Variants in FAM135B observed in about 807,000 individuals in gnomAD.
The protein encoded by FAM135B is family with sequence similarity 135 member B, also known as protein FAM135B.
FAM135B carries 43 observed loss-of-function variants against 127.7 expected under a neutral mutation model. The observed-to-expected ratio is 0.34, with a 90% confidence interval of 0.26 to 0.43. The LOEUF (loss-of-function observed/expected upper bound fraction) is 0.43. Among genes scored for constraint, FAM135B ranks in the 20% least tolerant of loss-of-function variants. The pLI, the probability that FAM135B is intolerant of heterozygous loss-of-function variation, is 1.00. For synonymous variants in FAM135B, 670 were observed against 665.1 expected, an observed-to-expected ratio of 1.01 and a Z score of -0.11; for missense variants, 1,558 against 1,725.6, an observed-to-expected ratio of 0.90 and a Z score of 1.72.
intron 3 of FAM135B, among the ~76,000 whole-genome samples, chr8:138,308,562 G>A (rs541895264): frequency 6.6e-6 from 1 of 152,116 alleles, no homozygotes; most frequent in Admixed American, 6.5e-5. Flanking sequence ...GTGTGCTACT[G>A]TAAAGCTCAA....
chr8:138,246,320 G>C (rs1459697000), intron 6 of FAM135B, among the ~76,000 whole-genome samples: 2 of 152,154 alleles, frequency 1.3e-5, no homozygotes, highest in African/African-American at 2.4e-5. Context: ...TCCCATCACA[G>C]GCCCAGAGGC....
At chr8:138,266,803 T>C (rs1489641790) in intron 3 of FAM135B, among the ~76,000 whole-genome samples, 4 of 150,904 alleles carry the variant, frequency 2.7e-5, no homozygotes, top group Non-Finnish European at 4.4e-5. Flanking sequence ...TACACACACA[T>C]ACACACACGC....
chr8:138,207,955 G>T (rs767292983), intron 7 of FAM135B, among the ~76,000 whole-genome samples: 135 of 152,142 alleles, frequency 8.9e-4, no homozygotes, highest in Non-Finnish European at 1.7e-3. Context: ...TTTGCCCAAA[G>T]ACATAAACAA....
At chr8:138,226,171 G>GTA (rs1479560053) in intron 7 of FAM135B, among the ~76,000 whole-genome samples, 1 of 143,598 alleles carries the variant, frequency 7.0e-6, no homozygotes, top group East Asian at 2.3e-4. Context: ...GTGTGTGTGT[G>GTA]TGTGTGTGTG....
intron 7 of FAM135B, among the ~76,000 whole-genome samples, chr8:138,208,287 A>C (rs1178871733): frequency 6.6e-6 from 1 of 152,172 alleles, no homozygotes; most frequent in Admixed American, 6.5e-5. Context: ...TCTAAAAATT[A>C]AAAAAAGAAA....
intron 4 of FAM135B, 102 bp from the exon 5 acceptor site, chr8:138,256,861 C>A: frequency 1.2e-6 from 1 of 855,272 alleles, no homozygotes; most frequent in South Asian, 1.5e-5. Context: ...CTATCTTGTC[C>A]AAAAATCAAT....
intron 2 of FAM135B, among the ~76,000 whole-genome samples, chr8:138,339,087 A>T (rs530213745): frequency 1.5e-5 from 2 of 136,768 alleles, no homozygotes; most frequent in African/African-American, 5.3e-5. Flanking sequence ...AGGAAAGGGA[A>T]CATCACACAC....
intron 1 of FAM135B, among the ~76,000 whole-genome samples, chr8:138,410,349 A>G (rs1833790452): frequency 6.6e-6 from 1 of 152,100 alleles, no homozygotes; most frequent in Non-Finnish European, 1.5e-5. Flanking sequence ...CCCTTGTGTG[A>G]TCCTAAGGAT....
At chr8:138,163,323 A>G (rs1373667061) in intron 12 of FAM135B, among the ~76,000 whole-genome samples, 1 of 152,176 alleles carries the variant, frequency 6.6e-6, no homozygotes, top group African/African-American at 2.4e-5. Flanking sequence ...GTCTTGGGAT[A>G]GAGAGGCATG....
chr8:138,442,725 C>T (rs2131553231), intron 1 of FAM135B, among the ~76,000 whole-genome samples: 1 of 152,178 alleles, frequency 6.6e-6, no homozygotes, highest in East Asian at 1.9e-4. Flanking sequence ...TTCACCAAGT[C>T]CCCTTAGTAA....
chr8:138,353,756 C>G (rs773077430), intron 2 of FAM135B, among the ~76,000 whole-genome samples: 42 of 150,556 alleles, frequency 2.8e-4, no homozygotes, highest in Non-Finnish European at 5.0e-4. Flanking sequence ...ACAGTAAAAA[C>G]TCCTGGCACA....
intron 1 of FAM135B, among the ~76,000 whole-genome samples, chr8:138,427,012 CATA>C (rs1162601356): frequency 6.6e-6 from 1 of 151,696 alleles, no homozygotes; most frequent in Non-Finnish European, 1.5e-5. Flanking sequence ...GGATTAATTG[CATA>C]ATAATGTTTG....
chr8:138,448,828 T>C (rs977692145), intron 1 of FAM135B, among the ~76,000 whole-genome samples: 1 of 149,964 alleles, frequency 6.7e-6, no homozygotes, highest in Non-Finnish European at 1.5e-5. Context: ...AAAAAAAAAG[T>C]TCTTGGGAGA....
chr8:138,179,754 T>C (rs1814832877), intron 9 of FAM135B, among the ~76,000 whole-genome samples: 1 of 152,138 alleles, frequency 6.6e-6, no homozygotes, highest in African/African-American at 2.4e-5. Flanking sequence ...AGTGCAGTGG[T>C]GTGATCATGG....
At chr8:138,469,030 C>G (rs1837532302) in intron 1 of FAM135B, among the ~76,000 whole-genome samples, 1 of 146,580 alleles carries the variant, frequency 6.8e-6, no homozygotes, top group African/African-American at 2.5e-5. Context: ...GGCGACAGAA[C>G]AAGATTCTGT....
intron 1 of FAM135B, among the ~76,000 whole-genome samples, chr8:138,457,752 G>A (rs1161328114): frequency 1.3e-5 from 2 of 152,022 alleles, no homozygotes; most frequent in Non-Finnish European, 2.9e-5. Context: ...CAGGCTAATC[G>A]GATGAGGTCA....
chr8:138,295,102 CTT>C (rs527258472), intron 3 of FAM135B, among the ~76,000 whole-genome samples: 38 of 82,188 alleles, frequency 4.6e-4, no homozygotes, highest in East Asian at 2.0e-3. Flanking sequence ...CTTGCTGGTG[CTT>C]TTTTTTTTTT....
At chr8:138,146,459 A>T (rs534028600) in intron 14 of FAM135B, among the ~76,000 whole-genome samples, 5 of 152,278 alleles carry the variant, frequency 3.3e-5, no homozygotes, top group South Asian at 2.1e-4. Flanking sequence ...ACTTAAAAGG[A>T]AGACTATCTA....
At chr8:138,211,347 C>G (rs545507524) in intron 7 of FAM135B, among the ~76,000 whole-genome samples, 73 of 152,274 alleles carry the variant, frequency 4.8e-4, no homozygotes, top group African/African-American at 1.7e-3. Flanking sequence ...TAGTCCCGTT[C>G]TACAGATGCA....
Sources: allele counts gnomAD v4.1 joint callset (sites outside exome capture counted in the v4.1 genomes callset), GRCh38; gene constraint gnomAD v4.1.1; transcripts MANE v1.5; gene names NCBI Gene and HGNC (gene_info 2026-07-23, HGNC 2026-07-21).